The following CR1 variants were observed in gnomAD, a reference collection of about 807,000 sequenced individuals.
CR1 encodes complement C3b/C4b receptor 1 (Knops blood group), also known as complement receptor type 1.
Under a neutral mutation model 187.3 loss-of-function variants are expected in CR1, and 116 were observed. The observed-to-expected ratio is 0.62, with a 90% CI of 0.53 to 0.72. The LOEUF is 0.72. CR1 is among the 30% of genes least tolerant of loss of function. CR1 has a pLI of 0.00. For synonymous variants in CR1, 576 were observed against 747.1 expected, an observed-to-expected ratio of 0.77 and a Z score of 3.73; for missense variants, 1,731 against 2,110.7, an observed-to-expected ratio of 0.82 and a Z score of 3.52.
chr1:207,519,914 A>C (rs755165761), intron 4 of CR1, among the ~76,000 whole-genome samples: 1 of 152,240 alleles, frequency 6.6e-6, no homozygotes, highest in Non-Finnish European at 1.5e-5. Flanking sequence ...GCGTAAGAGT[A>C]GTCTGCGGTC....
At chr1:207,566,679 T>G (rs1306242494) in intron 24 of CR1, among the ~76,000 whole-genome samples, 2 of 150,178 alleles carry the variant, frequency 1.3e-5, no homozygotes, top group Non-Finnish European at 2.9e-5. Context: ...TGCTGAGAGA[T>G]TCATAAATAA....
chr1:207,524,245 A>G (rs546148394), intron 5 of CR1, among the ~76,000 whole-genome samples: 1 of 152,266 alleles, frequency 6.6e-6, no homozygotes, highest in Admixed American at 6.5e-5. Flanking sequence ...TTATAAACAG[A>G]TCTATCAATT....
At chr1:207,627,361 A>G (rs188043986) in intron 45 of CR1, among the ~76,000 whole-genome samples, 145 of 152,356 alleles carry the variant, frequency 9.5e-4, no homozygotes, top group Admixed American at 2.2e-3. Context: ...CAACAAATCT[A>G]AACTGTCCCT....
At position 207,618,091 on chromosome 1, in the gene CR1, A is replaced by G. The variant is rs80022448; in HGVS notation, c.6910A>G (p.Ile2304Val). ...VPAACPHPPKIQNGHYIGGHV... is the reference protein window; with the variant it reads ...VPAACPHPPKVQNGHYIGGHV... ...CTTAGCCTGCCCACATCCACCCAAG[A>G]TCCAAAACGGGCATTACATTGGAGG... The change falls in exon 42 of 47, where the codon ATC (isoleucine) becomes GTC (valine). Residue 2304 changes from isoleucine to valine, a missense_variant. This residue lies in a region of CR1 where 1,312 missense variants were observed against 1,379.6 expected (regional missense o/e 0.95). Transcript: ENST00000367049. The G allele has an allele frequency of 1.9e-6, 3 of 1,613,574 alleles. No individual in the cohort carries two copies. Among genetic ancestry groups the G allele is most frequent in the African/African-American group, 1.3e-5 (1 of 75,016 alleles).
In CR1 at chr1:207,612,187, G is replaced by A. The variant is rs559052935; in HGVS notation, c.6575+146G>A. On this transcript the variant is annotated intron_variant, in intron 39 of 46. Transcript: ENST00000367049. ...TATGGAAGGGTAGTTTTGAAATAAG[G>A]GTAGGGACTAAGTGGCACCACTTTC... The A allele has an allele frequency of 1.2e-3, 1,105 of 901,590 alleles. 5 individuals are homozygous for A. Among genetic ancestry groups the A allele is most frequent in the Non-Finnish European group, 1.5e-3 (900 of 587,080 alleles). 55.8% of individuals were successfully genotyped at this position (901,590 alleles called of 1,614,324 possible).
intron 30 of CR1, 46 bp downstream of exon 30, chr1:207,580,462 A>C (rs145806199): frequency 1.2e-5 from 20 of 1,602,438 alleles, no homozygotes; most frequent in Middle Eastern, 1.7e-4. Flanking sequence ...TACCCCACAC[A>C]TGGAGGTCTT....
intron 4 of CR1, among the ~76,000 whole-genome samples, chr1:207,512,239 T>C (rs1460983788): frequency 6.6e-6 from 1 of 152,228 alleles, no homozygotes. Flanking sequence ...AACTATGGTT[T>C]GGAAATAATC....
intron 45 of CR1, among the ~76,000 whole-genome samples, chr1:207,625,536 G>A (rs1191646561): frequency 1.3e-5 from 2 of 152,234 alleles, no homozygotes; most frequent in South Asian, 2.1e-4. Context: ...GACAAAACCA[G>A]TTCCCTGAGA....
intron 29 of CR1, among the ~76,000 whole-genome samples, chr1:207,580,002 G>A (rs1454221713): frequency 2.0e-5 from 3 of 152,070 alleles, no homozygotes; most frequent in Non-Finnish European, 4.4e-5. Flanking sequence ...GTACAAATCG[G>A]GATTACCTTC....
chr1:207,619,844 A>G (rs1363842495), intron 42 of CR1, 36 bp from the exon 43 acceptor site: 1 of 1,529,010 alleles, frequency 6.5e-7, no homozygotes, highest in East Asian at 2.4e-5. Flanking sequence ...AATCAACAAT[A>G]AAATATCAAT....
chr1:207,583,934 T>C (rs942946021), intron 32 of CR1, among the ~76,000 whole-genome samples: 2 of 152,104 alleles, frequency 1.3e-5, no homozygotes, highest in Non-Finnish European at 2.9e-5. Context: ...CAAAGCAAAT[T>C]AGAAAAGGGA....
chr1:207,513,742 C>CCCTT (rs1659695231), intron 4 of CR1, among the ~76,000 whole-genome samples: 1 of 90,364 alleles, frequency 1.1e-5, no homozygotes, highest in Non-Finnish European at 2.1e-5. Context: ...TTTCCTCCCT[C>CCCTT]CCTCCCTCCC....
At chr1:207,524,060 T>C in intron 5 of CR1, 51 bp downstream of exon 5, 2 of 1,611,616 alleles carry the variant, frequency 1.2e-6, no homozygotes, top group Non-Finnish European at 1.7e-6. Flanking sequence ...TGCGTTGCTG[T>C]TGGATCAGGA....
intron 46 of CR1, among the ~76,000 whole-genome samples, chr1:207,633,302 A>G (rs1263464029): frequency 6.6e-6 from 1 of 152,256 alleles, no homozygotes; most frequent in Non-Finnish European, 1.5e-5. Context: ...GTTAAAAACA[A>G]GAAATAGGGG....
intron 27 of CR1, among the ~76,000 whole-genome samples, chr1:207,572,367 A>C (rs1660605183): frequency 6.6e-6 from 1 of 151,246 alleles, no homozygotes; most frequent in Admixed American, 6.6e-5. Flanking sequence ...CCCGGCCTTC[A>C]GCAACCACCA....
rs1287645821 is a variant in CR1, at chr1:207,565,447, G to A, written c.3867-391G>A. On this transcript the variant is annotated intron_variant, in intron 23 of 46. Transcript: ENST00000367049. ...ACTTTTCCACTCCAAACTGGGAGCTGTTTTACTTGCTGTTCCAGGGTCAGA... is the reference window on the plus strand; with the variant it reads ...ACTTTTCCACTCCAAACTGGGAGCTATTTTACTTGCTGTTCCAGGGTCAGA... 2.0e-5 allele frequency among the ~76,000 whole-genome samples: 3 copies of A among 150,154 alleles called. No individual in the cohort carries two copies. The South Asian group carries it at 6.2e-4, about 31-fold the overall frequency.
chr1:207,581,393 TACATATGTATATAC>T (rs1265341547), intron 31 of CR1, among the ~76,000 whole-genome samples: 1 of 149,810 alleles, frequency 6.7e-6, no homozygotes, highest in Non-Finnish European at 1.5e-5. Flanking sequence ...TATGTATATA[TACATATGTATATAC>T]ATATATATGG....
At chr1:207,501,127 CT>C (rs760221326) in intron 1 of CR1, among the ~76,000 whole-genome samples, 3 of 152,004 alleles carry the variant, frequency 2.0e-5, no homozygotes, top group Non-Finnish European at 4.4e-5. Context: ...GAGTTATTTC[CT>C]TTATATGATA....
At position 207,628,984 on chromosome 1, in the gene CR1, GCCTTGTT is replaced by G. The variant is rs1390318539; in HGVS notation, c.7353-1532_7353-1526del. On this transcript the variant is annotated intron_variant, in intron 45 of 46. Transcript: ENST00000367049. The stretch of plus-strand genomic sequence containing the variant: ...GTTCTTCCTGTGATTTAATCTCACT[GCCTTGTT>G]ATTTCACTAGTTAAAAATATGCGCC... Among the ~76,000 whole-genome samples the G allele has an allele frequency of 1.5e-4, 23 of 152,236 alleles. No individual in the cohort carries two copies. The East Asian group carries it at 3.7e-3, about 24-fold the overall frequency.
Sources: gnomAD v4.1 joint callset for allele counts (sites outside exome capture counted in the v4.1 genomes callset) on GRCh38, gnomAD v4.1.1 for gene constraint, gnomAD v4.1.1 regional missense constraint, MANE v1.5 for transcripts, NCBI Gene and HGNC (gene_info 2026-07-23, HGNC 2026-07-21) for gene names.